ZFYVE26: variants seen among roughly 807,000 people sequenced by gnomAD.
ZFYVE26 encodes the protein zinc finger FYVE-type containing 26, also known as zinc finger FYVE domain-containing protein 26.
A neutral mutation model predicts 276.5 loss-of-function variants in ZFYVE26; 181 were observed. The observed-to-expected ratio is 0.65, with a 90% CI of 0.58 to 0.74. The LOEUF is 0.74. Ranked by LOEUF, ZFYVE26 falls within the 30% of genes least tolerant of loss-of-function variation. The pLI is 0.00. For synonymous variants in ZFYVE26, 1,129 were observed against 1,203.1 expected (o/e 0.94, Z 1.27); for missense variants, 2,821 against 3,097.9 (o/e 0.91, Z 2.12).
At chr14:67,731,334 C>T (rs1262814794) in intron 13 of ZFYVE26, among the ~76,000 whole-genome samples, 1 of 151,284 alleles carries the variant, frequency 6.6e-6, no homozygotes, top group African/African-American at 2.4e-5. Context: ...CCTGCCTCAG[C>T]CTCCCGAGTA....
chr14:67,766,959 C>A (rs11849620), intron 31 of ZFYVE26, among the ~76,000 whole-genome samples: 73,159 of 151,902 alleles, frequency 0.48, 18,760 homozygotes, highest in Non-Finnish European at 0.59. Flanking sequence ...CCACCTCAGA[C>A]TCTCAAAGTG....
chr14:67,796,972 T>C (rs536589806), intron 12 of ZFYVE26: 1 of 151,978 alleles, frequency 6.6e-6, no homozygotes, highest in East Asian at 1.9e-4. Context: ...AAAAAGGAAA[T>C]AAAAATAAAA....
At chr14:67,781,608 A>G in intron 21 of ZFYVE26, 79 bp from the exon 22 acceptor site, 1 of 1,355,682 alleles carries the variant, frequency 7.4e-7, no homozygotes, top group Admixed American at 1.7e-5. Context: ...TTCTTGAGAA[A>G]GGGCTTTCTT....
chr14:67,784,971 G>C, intron 19 of ZFYVE26, 88 bp downstream of exon 19: 1 of 1,365,962 alleles, frequency 7.3e-7, no homozygotes, highest in Non-Finnish European at 1.0e-6. Flanking sequence ...GCTGTATCCA[G>C]AGCCTTTCAA....
intron 6 of ZFYVE26, 141 bp from the exon 7 acceptor site, chr14:67,805,759 T>G: frequency 9.9e-7 from 1 of 1,009,632 alleles, no homozygotes; most frequent in Non-Finnish European, 1.5e-6. Flanking sequence ...CTGGGCGTAG[T>G]GGCTCATGCC....
chr14:67,729,278 G>A, exon 14 of ZFYVE26: 2 of 1,606,014 alleles, frequency 1.2e-6, no homozygotes, highest in Non-Finnish European at 1.7e-6. Flanking sequence ...CTGCTCTGGC[G>A]GCTCTTCTCC....
exon 14 of ZFYVE26, chr14:67,729,745 G>C: frequency 2.0e-6 from 1 of 507,038 alleles, no homozygotes; most frequent in Non-Finnish European, 3.9e-6. Flanking sequence ...ATACCAATTA[G>C]CACAAAGTGC....
At position 67,807,691 on chromosome 14, in the gene ZFYVE26, C is replaced by T. The variant is rs151178226; in HGVS notation, c.593G>A (p.Arg198Gln). Reference protein sequence around the residue: ...PLQNALVDLIRKALRALQGPD... With the variant: ...PLQNALVDLIQKALRALQGPD... Reference sequence around the variant, plus strand: ...GCCCTGCAAAGCCCGCAATGCCTTTCGAATGAGGTCCACCAGTGCATTCTG... The same window carrying T: ...GCCCTGCAAAGCCCGCAATGCCTTTTGAATGAGGTCCACCAGTGCATTCTG... The change falls in exon 5 of 42, where the codon CGA (arginine) becomes CAA (glutamine). Residue 198 changes from arginine (R) to glutamine (Q), a missense_variant. Physicochemically the swap from Arg to Gln is conservative, Grantham distance 43. Transcript: ENST00000347230. The T allele has an allele frequency of 1.2e-5, 19 of 1,614,172 alleles. No individual in the cohort carries two copies. The highest frequency in any genetic ancestry group is 5.3e-5 in the African/African-American group (4 of 75,056).
intron 13 of ZFYVE26, among the ~76,000 whole-genome samples, chr14:67,731,517 C>T (rs2038275460): frequency 6.6e-6 from 1 of 151,696 alleles, no homozygotes; most frequent in African/African-American, 2.4e-5. Context: ...GCCTGGTCTT[C>T]CCATCATATT....
At chr14:67,751,408 T>C in intron 40 of ZFYVE26, 1 of 461,410 alleles carries the variant, frequency 2.2e-6, no homozygotes, top group Non-Finnish European at 4.0e-6. Flanking sequence ...ATCATGAACT[T>C]AGTGCAAGCA....
At chr14:67,778,361 C>T (rs1475400006) in intron 23 of ZFYVE26, 113 bp from the exon 24 acceptor site, 10 of 1,380,214 alleles carry the variant, frequency 7.2e-6, no homozygotes, top group South Asian at 4.7e-5. Context: ...GGGAACTTCA[C>T]TATGATGAAA....
chr14:67,775,810 T>C (rs1235533970), intron 26 of ZFYVE26, 50 bp downstream of exon 26: 2 of 1,613,362 alleles, frequency 1.2e-6, no homozygotes, highest in Non-Finnish European at 1.7e-6. Context: ...GAATGCAGCA[T>C]GGCATTTCTT....
Position 67,790,896 on chromosome 14 carries a change from C to T in ZFYVE26, c.2554-123G>A, listed in dbSNP as rs918897445. ...AAGATGTCTTTGTGCTTTGTAGGGT[C>T]AGAAGAGCACTGAATGTTAGAAGAG... is the stretch of plus-strand genomic sequence containing the variant. On this transcript the variant is annotated intron_variant, in intron 14 of 41. Transcript: ENST00000347230. The T allele has an allele frequency of 2.8e-5, 24 of 856,736 alleles. No individual in the cohort carries two copies. The Admixed American group carries it at 3.7e-4, about 13-fold the overall frequency. The allele number at this position is 856,736 out of a possible 1,614,324, so 53.1% of individuals were successfully genotyped here.
At chr14:67,810,860 A>G (rs572849446) in intron 3 of ZFYVE26, among the ~76,000 whole-genome samples, 1 of 152,004 alleles carries the variant, frequency 6.6e-6, no homozygotes, top group East Asian at 1.9e-4. Context: ...ACCTGCAGGG[A>G]TGTGTGTGTG....
intron 2 of ZFYVE26, among the ~76,000 whole-genome samples, chr14:67,814,433 C>T (rs757325931): frequency 2.0e-5 from 3 of 152,060 alleles, no homozygotes; most frequent in Non-Finnish European, 4.4e-5. Flanking sequence ...GCAGGAGAAT[C>T]GCTTGAACCT....
intron 13 of ZFYVE26, among the ~76,000 whole-genome samples, chr14:67,732,286 A>G (rs990866110): frequency 2.0e-5 from 3 of 151,580 alleles, no homozygotes; most frequent in Non-Finnish European, 4.4e-5. Context: ...AAAAATCAAA[A>G]AATTAGCCCA....
intron 23 of ZFYVE26, among the ~76,000 whole-genome samples, chr14:67,779,996 G>C (rs909740962): frequency 5.3e-5 from 8 of 152,024 alleles, no homozygotes; most frequent in African/African-American, 9.7e-5. Flanking sequence ...CTCAGCCTCT[G>C]GAGTAGCTGG....
At chr14:67,754,916 A>T in intron 37 of ZFYVE26, 135 bp downstream of exon 37, 1 of 1,015,842 alleles carries the variant, frequency 9.8e-7, no homozygotes, top group Non-Finnish European at 1.5e-6. Context: ...TGTACTACAC[A>T]CTGTCATCCA....
At chr14:67,756,596 C>T (rs1421678982) in intron 35 of ZFYVE26, among the ~76,000 whole-genome samples, 1 of 152,120 alleles carries the variant, frequency 6.6e-6, no homozygotes, top group East Asian at 1.9e-4. Flanking sequence ...AGAAAAAACT[C>T]TCCTCAGTTG....
Sources: allele counts gnomAD v4.1 joint callset (sites outside exome capture counted in the v4.1 genomes callset), GRCh38; gene constraint gnomAD v4.1.1; transcripts MANE v1.5; gene names NCBI Gene and HGNC (gene_info 2026-07-23, HGNC 2026-07-21).